Variants in NDUFA10 observed in about 807,000 individuals in gnomAD.
NDUFA10 encodes NADH:ubiquinone oxidoreductase subunit A10.
In NDUFA10, 40 loss-of-function variants were observed where a neutral mutation model predicts 47.8. The ratio of observed to expected loss-of-function variants is 0.84; its 90% confidence interval spans 0.65 to 1.09. The LOEUF is 1.09. Ranked by LOEUF, NDUFA10 falls within the 50% of genes least tolerant of loss-of-function variation. The pLI is 0.00. For synonymous variants in NDUFA10, 183 were observed against 172.2 expected (o/e 1.06, Z -0.49); for missense variants, 413 against 451.1 (o/e 0.92, Z 0.76).
At chr2:239,999,543 T>C (rs1464885131) in intron 8 of NDUFA10, among the ~76,000 whole-genome samples, 2 of 152,232 alleles carry the variant, frequency 1.3e-5, no homozygotes, top group Non-Finnish European at 2.9e-5. Flanking sequence ...GCAGCAGCTC[T>C]GGACTCCAAA....
chr2:239,965,482 G>A (rs1695022327), intron 9 of NDUFA10, among the ~76,000 whole-genome samples: 1 of 152,178 alleles, frequency 6.6e-6, no homozygotes, highest in Non-Finnish European at 1.5e-5. Flanking sequence ...AGGGAGGAAA[G>A]CAGCAAAGCC....
chr2:239,989,077 C>T (rs1040563468), intron 9 of NDUFA10, among the ~76,000 whole-genome samples: 12 of 152,022 alleles, frequency 7.9e-5, no homozygotes, highest in African/African-American at 2.9e-4. Flanking sequence ...GGAGAAACAG[C>T]ACACACACTC....
chr2:239,895,391 G>A, intron 4 of NDUFA10: 1 of 319,700 alleles, frequency 3.1e-6, no homozygotes, highest in Non-Finnish European at 6.9e-6. Context: ...GTGTAGGTGG[G>A]GCTTTACTCC....
At chr2:239,977,971 TCAG>T (rs2106421988) in intron 9 of NDUFA10, among the ~76,000 whole-genome samples, 1 of 152,118 alleles carries the variant, frequency 6.6e-6, no homozygotes, top group South Asian at 2.1e-4. Context: ...CAGCCTCCCC[TCAG>T]CAGACTAGGT....
At chr2:239,897,666 T>C (rs1693422061) in intron 4 of NDUFA10, among the ~76,000 whole-genome samples, 3 of 152,104 alleles carry the variant, frequency 2.0e-5, no homozygotes, top group Non-Finnish European at 2.9e-5. Context: ...CTGAATTCAG[T>C]TCCTCTCCTG....
At chr2:239,973,614 G>A (rs753348469) in intron 9 of NDUFA10, 2 of 470,394 alleles carry the variant, frequency 4.3e-6, no homozygotes, top group Admixed American at 2.4e-5. Context: ...CAAGGAGGGA[G>A]CACAGTATCT....
chr2:239,988,639 C>T (rs969468312), intron 9 of NDUFA10, among the ~76,000 whole-genome samples: 3 of 152,174 alleles, frequency 2.0e-5, no homozygotes, highest in Non-Finnish European at 2.9e-5. Context: ...AGAAGCGAAG[C>T]CACTTGTGAA....
At chr2:239,907,514 T>C (rs1693676264) in intron 4 of NDUFA10, among the ~76,000 whole-genome samples, 1 of 152,220 alleles carries the variant, frequency 6.6e-6, no homozygotes, top group Non-Finnish European at 1.5e-5. Flanking sequence ...AAAGGGCTAA[T>C]ATCCAGAATC....
intron 9 of NDUFA10, among the ~76,000 whole-genome samples, chr2:239,962,623 G>A (rs1050626871): frequency 2.8e-4 from 43 of 152,342 alleles, no homozygotes; most frequent in African/African-American, 9.6e-4. Context: ...GTTCATTCTT[G>A]CACTGCTATA....
At chr2:239,968,518 A>G (rs1460378435) in intron 9 of NDUFA10, among the ~76,000 whole-genome samples, 1 of 152,204 alleles carries the variant, frequency 6.6e-6, no homozygotes, top group Non-Finnish European at 1.5e-5. Flanking sequence ...AGGCAGTAAC[A>G]GGGTCTGTAC....
intron 6 of NDUFA10, among the ~76,000 whole-genome samples, chr2:240,008,019 T>G (rs1697012253): frequency 6.6e-6 from 1 of 152,240 alleles, no homozygotes; most frequent in Non-Finnish European, 1.5e-5. Context: ...ATCTGACCCC[T>G]ACAATGGTAC....
At chr2:239,967,263 T>C (rs968793223) in intron 9 of NDUFA10, among the ~76,000 whole-genome samples, 1 of 152,244 alleles carries the variant, frequency 6.6e-6, no homozygotes, top group Admixed American at 6.5e-5. Flanking sequence ...TTTCTCGTTA[T>C]GAATTTATAC....
At chr2:239,909,393 A>G (rs564939135) in intron 4 of NDUFA10, among the ~76,000 whole-genome samples, 113 of 152,218 alleles carry the variant, frequency 7.4e-4, no homozygotes, top group Non-Finnish European at 1.4e-3. Flanking sequence ...CAGGCAGATC[A>G]CGAGGTCAGG....
intron 4 of NDUFA10, among the ~76,000 whole-genome samples, chr2:239,896,210 G>A (rs1223352095): frequency 1.3e-5 from 2 of 152,212 alleles, no homozygotes; most frequent in Non-Finnish European, 2.9e-5. Context: ...TGAATGGAGA[G>A]GCAAGGAATG....
rs1696323051 is a variant in NDUFA10 at position 239,993,174 on chromosome 2, A to C, written c.891-2992T>G. 2.0e-5 allele frequency among the ~76,000 whole-genome samples: 3 copies of C among 152,218 alleles called. 1 individual carries two copies. The South Asian group carries it at 6.2e-4, about 32-fold the overall frequency. On this transcript the variant is annotated intron_variant, in intron 8 of 9. Transcript: ENST00000252711. ...TATGCTCCGATAAGCACATAACTAAATAACTACATGAATGGTGCAGAATCG... is the reference window on the plus strand; with the variant it reads ...TATGCTCCGATAAGCACATAACTAACTAACTACATGAATGGTGCAGAATCG...
downstream of NDUFA10, among the ~76,000 whole-genome samples, chr2:239,953,759 G>A (rs1694602353): frequency 6.6e-6 from 1 of 152,240 alleles, no homozygotes; most frequent in African/African-American, 2.4e-5. Flanking sequence ...TCCTTAAAAG[G>A]CTGGAGGCTT....
chr2:239,982,660 T>C (rs1281888420), intron 9 of NDUFA10, among the ~76,000 whole-genome samples: 1 of 152,248 alleles, frequency 6.6e-6, no homozygotes, highest in East Asian at 1.9e-4. Context: ...CTATGCCTGT[T>C]GTCTCCAGCT....
At chr2:239,893,707 C>A (rs1693337356) in intron 5 of NDUFA10, among the ~76,000 whole-genome samples, 1 of 152,156 alleles carries the variant, frequency 6.6e-6, no homozygotes, top group Non-Finnish European at 1.5e-5. Context: ...CTTAACACTG[C>A]TGCATTGGGG....
At chr2:239,909,062 T>C (rs1693703055) in intron 4 of NDUFA10, among the ~76,000 whole-genome samples, 1 of 152,192 alleles carries the variant, frequency 6.6e-6, no homozygotes, top group African/African-American at 2.4e-5. Flanking sequence ...CTTCCTCGTG[T>C]CACCCCACTG....
Sources: gnomAD v4.1 joint callset for allele counts (sites outside exome capture counted in the v4.1 genomes callset) on GRCh38, gnomAD v4.1.1 for gene constraint, MANE v1.5 for transcripts, NCBI Gene and HGNC (gene_info 2026-07-23, HGNC 2026-07-21) for gene names.